DHRS9: variants seen among roughly 807,000 people sequenced by gnomAD.
The protein encoded by DHRS9 is dehydrogenase/reductase 9.
Under a neutral mutation model 26.6 loss-of-function variants are expected in DHRS9, and 18 were observed. The observed-to-expected ratio is 0.68, with a 90% CI of 0.47 to 1.00. The LOEUF is 1.00. Ranked by LOEUF, DHRS9 falls within the 50% of genes least tolerant of loss-of-function variation. DHRS9 has a pLI of 0.00. For missense variants in DHRS9, 425 were observed against 378.7 expected (o/e 1.12, Z -1.01); for synonymous variants, 134 against 141.1 (o/e 0.95, Z 0.36).
intron 1 of DHRS9, among the ~76,000 whole-genome samples, chr2:169,080,046 A>AAAGAAAGAAAGAAAAT (rs1558951714): frequency 1.4e-5 from 2 of 140,720 alleles, no homozygotes; most frequent in Non-Finnish European, 3.1e-5. Flanking sequence ...AGAAAGAAAG[A>AAAGAAAGAAAGAAAAT]AAGAAAATAA....
At chr2:169,082,725 C>T (rs1171755550) in intron 2 of DHRS9, among the ~76,000 whole-genome samples, 1 of 152,108 alleles carries the variant, frequency 6.6e-6, no homozygotes, top group Non-Finnish European at 1.5e-5. Context: ...ATTGATATCA[C>T]TCTTTGTCCA....
In DHRS9 at chr2:169,095,527, C is replaced by T. The variant is rs1558957823; in HGVS notation, c.737-17C>T. 1 of 1,598,454 alleles carries T rather than the reference C, an allele frequency of 6.3e-7. No homozygotes were observed. Among genetic ancestry groups the T allele is most frequent in the Admixed American group, 1.7e-5 (1 of 59,964 alleles). Reference sequence around the variant, plus strand: ...CCCCTTCTACCAAAGAGTAAATGTACTTTTGTCTCTTTTTAGGTCTAGACA... The same window carrying T: ...CCCCTTCTACCAAAGAGTAAATGTATTTTTGTCTCTTTTTAGGTCTAGACA... On this transcript the variant is annotated splice_polypyrimidine_tract_variant and intron_variant, in intron 4 of 4. Transcript: ENST00000674881.
At chr2:169,083,301 CA>C (rs767533852) in intron 2 of DHRS9, 27 bp from the exon 3 acceptor site, 1 of 1,608,916 alleles carries the variant, frequency 6.2e-7, no homozygotes, top group Non-Finnish European at 8.5e-7. Context: ...TGTCTTACCA[CA>C]CCTCTTTTCC....
intron 1 of DHRS9, 68 bp downstream of exon 1, chr2:169,069,785 C>T (rs1050843701): frequency 1.1e-5 from 11 of 980,968 alleles, no homozygotes; most frequent in Non-Finnish European, 1.2e-5. Context: ...CTTTGATTTT[C>T]CTCACTCTTG....
intron 1 of DHRS9, chr2:169,081,255 G>T (rs552407862): frequency 1.2e-6 from 1 of 859,270 alleles, no homozygotes; most frequent in Non-Finnish European, 1.5e-6. Context: ...CAACTCAATG[G>T]CTTGTGTCAA....
At chr2:169,081,434 T>G in intron 1 of DHRS9, 89 bp from the exon 2 acceptor site, 1 of 1,389,288 alleles carries the variant, frequency 7.2e-7, no homozygotes, top group South Asian at 1.6e-5. Context: ...TCCACACTAA[T>G]GCATTAAAAT....
Position 169,095,596 on chromosome 2 carries a change from G to A in DHRS9, c.789G>A (p.Pro263=), listed in dbSNP as rs143054879. ...NKSYVNMDLS[P]VVECMDHALT... Reference sequence around the variant, plus strand: ...CCTATGTGAACATGGACCTCTCTCCGGTGGTAGAGTGCATGGACCACGCTC... The same window carrying A: ...CCTATGTGAACATGGACCTCTCTCCAGTGGTAGAGTGCATGGACCACGCTC... Residue 263 remains proline, a synonymous_variant, in exon 5 of 5, where the codon CCG becomes CCA. Transcript: ENST00000674881. 5.5e-5 allele frequency: 89 copies of A among 1,613,886 alleles called. No individual in the cohort carries two copies. The African/African-American group carries it at 6.8e-4, about 12-fold the overall frequency.
chr2:169,069,520 C>T, upstream of DHRS9: 1 of 985,356 alleles, frequency 1.0e-6, no homozygotes, highest in Non-Finnish European at 1.2e-6. Flanking sequence ...GGGAGTGACT[C>T]ACAGAGCAAG....
intron 4 of DHRS9, among the ~76,000 whole-genome samples, chr2:169,095,177 T>G (rs1291605104): frequency 1.3e-5 from 2 of 152,186 alleles, no homozygotes; most frequent in Non-Finnish European, 2.9e-5. Context: ...TCTAAAGCAC[T>G]GAGGGATCAA....
chr2:169,094,351 A>G (rs999916640), intron 4 of DHRS9, among the ~76,000 whole-genome samples: 2 of 151,792 alleles, frequency 1.3e-5, no homozygotes, highest in African/African-American at 4.8e-5. Flanking sequence ...GTTTGCAAAT[A>G]TTTTTTCCCA....
chr2:169,092,878 G>T (rs140357546), intron 4 of DHRS9, among the ~76,000 whole-genome samples: 2 of 152,050 alleles, frequency 1.3e-5, no homozygotes, highest in Non-Finnish European at 2.9e-5. Context: ...TCTTATTATC[G>T]TCTTCATTTT....
intron 4 of DHRS9, among the ~76,000 whole-genome samples, chr2:169,094,636 C>T (rs1434724872): frequency 6.6e-6 from 1 of 151,814 alleles, no homozygotes; most frequent in Non-Finnish European, 1.5e-5. Flanking sequence ...CCCACCTCAG[C>T]CTCCCAAAGT....
intron 4 of DHRS9, among the ~76,000 whole-genome samples, chr2:169,092,819 C>T (rs10171526): frequency 0.019 from 2,847 of 152,228 alleles, 89 homozygotes; most frequent in African/African-American, 0.065. Flanking sequence ...GTACTTGTCA[C>T]CATTCTAAGT....
chr2:169,072,402 C>T (rs959620971), intron 1 of DHRS9: 1 of 161,218 alleles, frequency 6.2e-6, no homozygotes, highest in Non-Finnish European at 1.3e-5. Context: ...ATCAACTGGT[C>T]TGGGAGGAAC....
At chr2:169,074,392 T>G (rs953003566) in intron 1 of DHRS9, 1 of 985,258 alleles carries the variant, frequency 1.0e-6, no homozygotes, top group Admixed American at 6.2e-5. Context: ...GCCAAGAGAT[T>G]TACGCCCTAT....
intron 4 of DHRS9, 92 bp downstream of exon 4, chr2:169,092,045 G>C: frequency 7.4e-7 from 1 of 1,352,264 alleles, no homozygotes; most frequent in African/African-American, 1.5e-5. Flanking sequence ...ACAAGGTTCT[G>C]AGTAATACCC....
rs532247790 is a variant in DHRS9, at chr2:169,083,966, A to G, written c.572+379A>G. On this transcript the variant is annotated intron_variant, in intron 3 of 4. Coordinates refer to ENST00000674881, the MANE Select transcript of DHRS9 (RefSeq NM_001376924.1). ...TCTAGTTATATTTCTATATTTCTGT[A>G]CCCCCTAACCATTCCCTCTCACCCC... Among the ~76,000 whole-genome samples the G allele has an allele frequency of 2.1e-4, 31 of 151,156 alleles. No homozygotes were observed. In the South Asian group the frequency reaches 6.3e-3, roughly 31 times the overall value.
At chr2:169,067,823 T>C (rs942819810), upstream of DHRS9, among the ~76,000 whole-genome samples, 1 of 152,198 alleles carries the variant, frequency 6.6e-6, no homozygotes, top group Non-Finnish European at 1.5e-5. Context: ...TGATCGCCTA[T>C]GTGGGACCAT....
At chr2:169,084,928 A>G (rs1684304827) in intron 3 of DHRS9, among the ~76,000 whole-genome samples, 1 of 151,992 alleles carries the variant, frequency 6.6e-6, no homozygotes, top group East Asian at 1.9e-4. Context: ...CTGGAGAGTT[A>G]CTCCAATGTT....
Sources: allele counts gnomAD v4.1 joint callset (sites outside exome capture counted in the v4.1 genomes callset), GRCh38; gene constraint gnomAD v4.1.1; transcripts MANE v1.5; gene names NCBI Gene and HGNC (gene_info 2026-07-23, HGNC 2026-07-21).